Variants in RFC1 observed in about 807,000 individuals in gnomAD.
RFC1 encodes A1 140 kDa subunit.
RFC1 carries 37 observed loss-of-function variants against 137.4 expected under a neutral mutation model. The observed-to-expected ratio is 0.27, with a 90% CI of 0.21 to 0.35. RFC1 has a LOEUF of 0.35. RFC1 is among the 10% of genes least tolerant of loss of function. The pLI is 1.00. For missense variants in RFC1, 1,205 were observed against 1,358.5 expected (o/e 0.89, Z 1.78); for synonymous variants, 429 against 455.7 (o/e 0.94, Z 0.75).
chr4:39,299,143 T>C (rs1425135480), intron 21 of RFC1, among the ~76,000 whole-genome samples: 3 of 152,234 alleles, frequency 2.0e-5, no homozygotes, highest in Non-Finnish European at 4.4e-5. Flanking sequence ...CTTAAGAACA[T>C]GCTCCTGCTA....
At chr4:39,318,946 T>C (rs752532882) in intron 9 of RFC1, among the ~76,000 whole-genome samples, 5 of 152,322 alleles carry the variant, frequency 3.3e-5, no homozygotes, top group Admixed American at 1.3e-4. Context: ...CTAAAGTAGT[T>C]CCAAATTGGA....
At chr4:39,288,971 C>T in intron 24 of RFC1, 127 bp from the exon 25 acceptor site, 3 of 688,112 alleles carry the variant, frequency 4.4e-6, no homozygotes, top group East Asian at 2.7e-5. Flanking sequence ...CTGCAAACAT[C>T]GAGATCTTGA....
rs540499396 is a variant in RFC1 at position 39,326,187 on chromosome 4, G to A, written c.642+376C>T. Among the ~76,000 whole-genome samples the A allele has an allele frequency of 1.1e-4, 17 of 152,198 alleles. No individual in the cohort carries two copies. In the South Asian group the frequency reaches 2.5e-3, roughly 22 times the overall value. On this transcript the variant is annotated intron_variant, in intron 6 of 24. Transcript: ENST00000349703. Reference sequence around the variant, plus strand: ...TGCACTCCAGCCTGGGCAACAAAGCGAGACTCTGTCTCAAAAAATAAAAAA... The same window carrying A: ...TGCACTCCAGCCTGGGCAACAAAGCAAGACTCTGTCTCAAAAAATAAAAAA...
At chr4:39,302,234 G>A (rs768506961) in intron 19 of RFC1, 44 bp downstream of exon 19, 1 of 1,229,620 alleles carries the variant, frequency 8.1e-7, no homozygotes, top group Non-Finnish European at 1.2e-6. Flanking sequence ...AACAAGAAGT[G>A]TTTTGGCTTA....
intron 10 of RFC1, 58 bp from the exon 11 acceptor site, chr4:39,312,989 AT>A: frequency 7.1e-7 from 1 of 1,416,348 alleles, no homozygotes. Flanking sequence ...CCAAAGAAAC[AT>A]TTGGCATCAA....
intron 12 of RFC1, 65 bp downstream of exon 12, chr4:39,311,380 A>G: frequency 7.5e-7 from 1 of 1,331,486 alleles, no homozygotes. Flanking sequence ...TCCACCCAAG[A>G]CATATGTCTA....
chr4:39,306,427 G>A (rs1361789864), intron 14 of RFC1, among the ~76,000 whole-genome samples, 165 bp downstream of exon 14: 1 of 152,112 alleles, frequency 6.6e-6, no homozygotes, highest in Non-Finnish European at 1.5e-5. Flanking sequence ...AACATCGCCA[G>A]AACCAAAACA....
chr4:39,303,212 T>G, intron 15 of RFC1, 61 bp from the exon 16 acceptor site: 1 of 1,105,802 alleles, frequency 9.0e-7, no homozygotes, highest in Non-Finnish European at 1.4e-6. Flanking sequence ...GCTCAAAAAC[T>G]GCTGCTCTGT....
chr4:39,324,360 G>A (rs1057490814), intron 6 of RFC1, among the ~76,000 whole-genome samples: 29 of 152,106 alleles, frequency 1.9e-4, no homozygotes, highest in Non-Finnish European at 2.9e-5. Context: ...GATAAAAATG[G>A]AAAAATAGAG....
chr4:39,365,377 ATTG>A, intron 1 of RFC1: 1 of 774,050 alleles, frequency 1.3e-6, no homozygotes, highest in Non-Finnish European at 1.6e-6. Flanking sequence ...ATTATATCGG[ATTG>A]TTAAGTATCT....
chr4:39,324,627 ATAATACT>A (rs1440146842), intron 6 of RFC1, among the ~76,000 whole-genome samples: 1 of 152,240 alleles, frequency 6.6e-6, no homozygotes, highest in Non-Finnish European at 1.5e-5. Context: ...TTCTCTCACA[ATAATACT>A]TATCAAGAGC....
intron 1 of RFC1, among the ~76,000 whole-genome samples, chr4:39,362,641 A>G (rs1437512835): frequency 2.0e-5 from 3 of 152,280 alleles, no homozygotes; most frequent in Non-Finnish European, 4.4e-5. Flanking sequence ...AAATTAACTC[A>G]GAAATGGATA....
chr4:39,335,459 A>T (rs1194344249), intron 4 of RFC1, among the ~76,000 whole-genome samples: 1 of 152,230 alleles, frequency 6.6e-6, no homozygotes, highest in Non-Finnish European at 1.5e-5. Context: ...CTACAAATGA[A>T]TCCTCTTAGA....
Position 39,300,462 on chromosome 4 carries a change from C to T in RFC1, c.2536-48G>A, listed in dbSNP as rs777850494. ...CTATTAGAATGGCCAAAATTCAAAA[C>T]GGTAACATCACCAAATGCTAACGAG... On this transcript the variant is annotated intron_variant, in intron 19 of 24. Transcript: ENST00000349703. 1.0e-5 allele frequency: 14 copies of T among 1,379,082 alleles called. No homozygotes were observed. The South Asian group carries it at 1.2e-4, about 12-fold the overall frequency. 85.4% of individuals were successfully genotyped at this position (1,379,082 alleles called of 1,614,324 possible).
intron 21 of RFC1, 47 bp from the exon 22 acceptor site, chr4:39,295,806 T>C: frequency 1.3e-6 from 2 of 1,561,624 alleles, no homozygotes; most frequent in East Asian, 2.3e-5. Flanking sequence ...CCGTACAAAG[T>C]TACTTCCTTA....
Position 39,308,905 on chromosome 4 carries a change from G to A in RFC1, c.1616C>T (p.Ala539Val), listed in dbSNP as rs371255500. The A allele has an allele frequency of 7.4e-6, 12 of 1,613,934 alleles. No individual in the cohort carries two copies. In the Middle Eastern group the frequency reaches 4.9e-4, roughly 66 times the overall value. ...ATCTGTTTCCTTTTTTATTGTCTTT[G>A]CCAAACTGTCCCTTTTGGAAGTCGG... ...SRPTSKRDSL[A>V]KTIKKETDVF... The change falls in exon 13 of 25, where the codon GCA becomes GTA. Residue 539 changes from alanine (A) to valine (V), a missense_variant. Transcript: ENST00000349703.
rs75061796 is a variant in RFC1 at position 39,363,474 on chromosome 4, G to A, written c.3+2765C>T. 3.4e-3 allele frequency among the ~76,000 whole-genome samples: 512 copies of A among 152,244 alleles called. 2 individuals are homozygous for A. Among genetic ancestry groups the A allele is most frequent in the African/African-American group, 0.011 (447 of 41,544 alleles). On this transcript the variant is annotated intron_variant, in intron 1 of 24. Coordinates refer to ENST00000349703, the MANE Select transcript of RFC1 (RefSeq NM_002913.5). ...AAGTTTTCTCATTTTTATAAAGGTT[G>A]CACAGTATTCCATTGTGTGAATACA...
At chr4:39,363,368 C>T (rs1013505198) in intron 1 of RFC1, among the ~76,000 whole-genome samples, 16 of 152,146 alleles carry the variant, frequency 1.1e-4, no homozygotes, top group African/African-American at 3.1e-4. Flanking sequence ...TCTCTGGAGG[C>T]AACAAATGTT....
chr4:39,320,291 G>A, intron 9 of RFC1, 92 bp downstream of exon 9: 3 of 1,183,128 alleles, frequency 2.5e-6, no homozygotes, highest in South Asian at 3.6e-5. Flanking sequence ...AGAGGTTGCA[G>A]TGAGCCGAGA....
Sources: allele counts gnomAD v4.1 joint callset (sites outside exome capture counted in the v4.1 genomes callset), GRCh38; gene constraint gnomAD v4.1.1; transcripts MANE v1.5; gene names NCBI Gene and HGNC (gene_info 2026-07-23, HGNC 2026-07-21).